Variants in CADM2 observed in about 807,000 individuals in gnomAD.
The protein encoded by CADM2 is immunoglobulin superfamily member 4D.
CADM2 carries 12 observed loss-of-function variants against 49.8 expected under a neutral mutation model. The ratio of observed to expected loss-of-function variants is 0.24; its 90% CI spans 0.15 to 0.39. The LOEUF (loss-of-function observed/expected upper bound fraction) is 0.39, where lower values mean the gene tolerates loss of function less well. CADM2 is among the 10% of genes least tolerant of loss of function. CADM2 has a pLI of 1.00. For missense variants in CADM2, 378 were observed against 492.3 expected (o/e 0.77, Z 2.20); for synonymous variants, 214 against 175.4 (o/e 1.22, Z -1.74).
chr3:85,657,452 T>C (rs1577030063), intron 1 of CADM2, among the ~76,000 whole-genome samples: 1 of 152,132 alleles, frequency 6.6e-6, no homozygotes, highest in African/African-American at 2.4e-5. Context: ...ACAGAAATCT[T>C]AGTCAAATTA....
intron 1 of CADM2, among the ~76,000 whole-genome samples, chr3:85,378,923 A>G (rs553363842): frequency 1.3e-5 from 2 of 152,124 alleles, no homozygotes; most frequent in East Asian, 3.9e-4. Context: ...CAAAAACCCA[A>G]ATAAACTCAG....
intron 1 of CADM2, among the ~76,000 whole-genome samples, chr3:85,304,349 A>G (rs2044166194): frequency 6.6e-6 from 1 of 151,826 alleles, no homozygotes; most frequent in African/African-American, 2.4e-5. Context: ...AAATCCTTTT[A>G]GCATCTTAGA....
At chr3:85,494,240 C>T (rs979666930) in intron 1 of CADM2, among the ~76,000 whole-genome samples, 1 of 151,842 alleles carries the variant, frequency 6.6e-6, no homozygotes. Context: ...TCTAGTTTCC[C>T]AATTTTAAAT....
chr3:85,121,204 C>T (rs1163121334), intron 1 of CADM2, among the ~76,000 whole-genome samples: 6 of 152,124 alleles, frequency 3.9e-5, no homozygotes, highest in Non-Finnish European at 8.8e-5. Flanking sequence ...TAATTCTTTC[C>T]TGGCCATCAG....
intron 1 of CADM2, among the ~76,000 whole-genome samples, chr3:85,043,184 T>G (rs1208180598): frequency 6.6e-6 from 1 of 152,060 alleles, no homozygotes; most frequent in Non-Finnish European, 1.5e-5. Context: ...ATAAGAATTA[T>G]TTTCTCGTCT....
intron 1 of CADM2, among the ~76,000 whole-genome samples, chr3:85,590,330 G>A (rs1255611224): frequency 2.0e-5 from 3 of 151,908 alleles, no homozygotes; most frequent in Non-Finnish European, 2.9e-5. Flanking sequence ...GAAGTTTGGG[G>A]GCAACAAGTG....
At chr3:85,668,497 G>A (rs1013661468) in intron 1 of CADM2, among the ~76,000 whole-genome samples, 4 of 152,062 alleles carry the variant, frequency 2.6e-5, no homozygotes, top group Admixed American at 2.6e-4. Context: ...ATGTGTTGTG[G>A]GAGGAACCCA....
intron 1 of CADM2, among the ~76,000 whole-genome samples, chr3:85,457,241 C>A (rs541338881): frequency 6.6e-6 from 1 of 151,902 alleles, no homozygotes; most frequent in African/African-American, 2.4e-5. Flanking sequence ...GGCAAAACAC[C>A]ATCTCTACAA....
At chr3:85,695,199 A>G (rs559025658) in intron 1 of CADM2, among the ~76,000 whole-genome samples, 7 of 152,236 alleles carry the variant, frequency 4.6e-5, no homozygotes, top group Admixed American at 3.9e-4. Context: ...TTTTATTTCA[A>G]TATCTTTAGG....
intron 1 of CADM2, among the ~76,000 whole-genome samples, chr3:85,637,556 T>C (rs1372463671): frequency 6.9e-6 from 1 of 145,012 alleles, no homozygotes; most frequent in African/African-American, 2.6e-5. Context: ...GAGCCGAGAT[T>C]GCGCCACTGC....
chr3:85,245,432 A>G (rs1257073406), intron 1 of CADM2, among the ~76,000 whole-genome samples: 1 of 151,806 alleles, frequency 6.6e-6, no homozygotes, highest in Non-Finnish European at 1.5e-5. Context: ...GAATGGCGGG[A>G]ACCCGGGAGG....
At chr3:85,596,667 T>C (rs2063249281) in intron 1 of CADM2, among the ~76,000 whole-genome samples, 2 of 152,086 alleles carry the variant, frequency 1.3e-5, no homozygotes, top group African/African-American at 4.8e-5. Context: ...AGGCAGATTA[T>C]AGAACATTTC....
chr3:85,428,649 TA>T (rs1451052428), intron 1 of CADM2, among the ~76,000 whole-genome samples: 5 of 145,730 alleles, frequency 3.4e-5, no homozygotes, highest in Admixed American at 7.0e-5. Flanking sequence ...AAGAATTATA[TA>T]AAATATATAA....
At chr3:85,195,427 T>C (rs1469862932) in intron 1 of CADM2, among the ~76,000 whole-genome samples, 1 of 152,006 alleles carries the variant, frequency 6.6e-6, no homozygotes, top group Non-Finnish European at 1.5e-5. Flanking sequence ...CTGGGTACTA[T>C]GAAACCTCTG....
chr3:85,490,585 C>CA (rs904044846), intron 1 of CADM2, among the ~76,000 whole-genome samples: 2 of 151,322 alleles, frequency 1.3e-5, no homozygotes. Context: ...CTGTCTCAAA[C>CA]AAAAAAACAA....
chr3:85,560,520 G>A (rs1479887291), intron 1 of CADM2, among the ~76,000 whole-genome samples: 1 of 152,228 alleles, frequency 6.6e-6, no homozygotes, highest in Non-Finnish European at 1.5e-5. Flanking sequence ...GGGAGTTGGC[G>A]CTGCAGGAGA....
intron 8 of CADM2, among the ~76,000 whole-genome samples, chr3:86,020,957 T>C (rs374737147): frequency 7.2e-5 from 11 of 152,272 alleles, no homozygotes; most frequent in East Asian, 3.9e-4. Context: ...TCACCACTCC[T>C]ATTCAACATA....
At chr3:85,607,106 A>G (rs2063558087) in intron 1 of CADM2, among the ~76,000 whole-genome samples, 2 of 152,142 alleles carry the variant, frequency 1.3e-5, no homozygotes, top group African/African-American at 4.8e-5. Flanking sequence ...CTTGCCCAAC[A>G]TCATAAAACT....
At chr3:85,148,244 A>G (rs972629862) in intron 1 of CADM2, among the ~76,000 whole-genome samples, 3 of 152,320 alleles carry the variant, frequency 2.0e-5, no homozygotes, top group East Asian at 1.9e-4. Context: ...AGTCCGACTC[A>G]ATAGCAGAGC....
Sources: allele counts gnomAD v4.1 joint callset (sites outside exome capture counted in the v4.1 genomes callset), GRCh38; gene constraint gnomAD v4.1.1; transcripts MANE v1.5; gene names NCBI Gene and HGNC (gene_info 2026-07-23, HGNC 2026-07-21).